Variants in COLEC12 observed in about 807,000 individuals in gnomAD.
COLEC12 encodes collectin subfamily member 12.
COLEC12 carries 33 observed loss-of-function variants against 71.1 expected under a neutral mutation model. That is an observed-to-expected ratio of 0.46 (90% CI 0.35 to 0.62). COLEC12 has a LOEUF of 0.62. Ranked by LOEUF, COLEC12 falls within the 20% of genes least tolerant of loss-of-function variation. The probability of loss-of-function intolerance (pLI) is 0.00; values close to 1 mark genes in which losing one functional copy is unlikely to be tolerated. For missense variants in COLEC12, 765 were observed against 916.1 expected (o/e 0.84, Z 2.13); for synonymous variants, 350 against 353.0 (o/e 0.99, Z 0.10).
At chr18:361,774 G>A (rs111828901) in intron 2 of COLEC12, among the ~76,000 whole-genome samples, 4 of 152,174 alleles carry the variant, frequency 2.6e-5, no homozygotes, top group African/African-American at 4.8e-5. Flanking sequence ...ACAGAAGGGC[G>A]ACAGACACGG....
chr18:423,837 A>AGGTGTAAG (rs1378398113), intron 2 of COLEC12: 1 of 151,848 alleles, frequency 6.6e-6, no homozygotes, highest in Non-Finnish European at 1.5e-5. Context: ...GGTTCAGAGG[A>AGGTGTAAG]GGTGTAAGAA....
In COLEC12 at chr18:347,236, G is replaced by A. The variant is rs201306483; in HGVS notation, c.386C>T (p.Thr129Ile). Reference protein sequence around the residue: ...RQQLREITEKTSKNKDTLEKL... With the variant: ...RQQLREITEKISKNKDTLEKL... The stretch of plus-strand genomic sequence containing the variant: ...CTCCAGCGTATCCTTGTTCTTGCTG[G>A]TTTTTTCTGTAATCTCACGAAGTTG... Residue 129 changes from threonine to isoleucine, a missense_variant, in exon 5 of 10, where the codon ACC (threonine) becomes ATC (isoleucine). By Grantham distance (89) the Thr-to-Ile change is moderately conservative (BLOSUM62 -1). Coordinates refer to ENST00000400256, the MANE Select transcript of COLEC12 (RefSeq NM_130386.3). The A allele has an allele frequency of 1.9e-6, 3 of 1,614,122 alleles. No homozygotes were observed. The South Asian group carries it at 3.3e-5, about 18-fold the overall frequency.
chr18:477,667 T>C (rs1434692001), intron 2 of COLEC12, among the ~76,000 whole-genome samples: 2 of 152,222 alleles, frequency 1.3e-5, no homozygotes, highest in East Asian at 1.9e-4. Flanking sequence ...TGTGTTTTTA[T>C]AGTGTTGTAA....
chr18:370,387 C>G (rs1438439958), intron 2 of COLEC12, among the ~76,000 whole-genome samples: 3 of 152,114 alleles, frequency 2.0e-5, no homozygotes, highest in Non-Finnish European at 4.4e-5. Flanking sequence ...CAGTTGTAAA[C>G]TGGTTAAACG....
intron 2 of COLEC12, among the ~76,000 whole-genome samples, chr18:476,963 T>C (rs1194346282): frequency 1.3e-5 from 2 of 152,194 alleles, no homozygotes; most frequent in Non-Finnish European, 2.9e-5. Context: ...TCATTGACGC[T>C]TTTGTCAGAG....
chr18:321,109 C>T (rs530353054), intron 9 of COLEC12, among the ~76,000 whole-genome samples: 1 of 152,202 alleles, frequency 6.6e-6, no homozygotes, highest in Non-Finnish European at 1.5e-5. Context: ...GGCTGGAGTG[C>T]AATGGTGCGA....
At chr18:496,990 C>T (rs1213845150) in intron 1 of COLEC12, among the ~76,000 whole-genome samples, 1 of 152,118 alleles carries the variant, frequency 6.6e-6, no homozygotes, top group Non-Finnish European at 1.5e-5. Context: ...TGTAGTACAG[C>T]TAATTGAAAA....
intron 2 of COLEC12, among the ~76,000 whole-genome samples, chr18:389,174 A>T (rs1044383770): frequency 3.3e-4 from 49 of 149,444 alleles, no homozygotes; most frequent in Non-Finnish European, 7.1e-4. Flanking sequence ...AGTAGGGGAT[A>T]TAAAAAAATA....
rs984931211 is a variant in COLEC12, at chr18:346,336, G to A, written c.1286C>T (p.Ser429Phe). ...ATTCTTGATGAGCTGACCATGCTTG[G>A]AGTCTACTAGCTTCATTTCTTCCAT... is the stretch of plus-strand genomic sequence containing the variant. ...VIMEEMKLVD[S>F]KHGQLIKNFT... The change falls in exon 5 of 10, where the codon TCC becomes TTC. Residue 429 changes from serine to phenylalanine, a missense_variant. Coordinates refer to ENST00000400256, the MANE Select transcript of COLEC12 (RefSeq NM_130386.3). This position sits in a 1 kb window ranked among gnomAD's most constrained non-coding sequence, Gnocchi z 4.0. 1.9e-6 allele frequency: 3 copies of A among 1,613,676 alleles called. No homozygotes were observed. In the African/African-American group the frequency reaches 4.0e-5, roughly 22 times the overall value.
At position 360,178 on chromosome 18, in the gene COLEC12, C is replaced by CTTTT. The variant is rs778619867; in HGVS notation, c.59-2660_59-2657dup. Reference sequence around the variant, plus strand: ...AGAAGGGACCTGAGAATTTGGATTTCTTTTTTTTTTTTTTTCTTTTTTGAG... The same window carrying CTTTT: ...AGAAGGGACCTGAGAATTTGGATTTCTTTTTTTTTTTTTTTTTTTCTTTTTTGAG... On this transcript the variant is annotated intron_variant, in intron 2 of 9. Transcript: ENST00000400256. Among the ~76,000 whole-genome samples the CTTTT allele has an allele frequency of 5.3e-3, 750 of 141,634 alleles. 7 individuals are homozygous for CTTTT. Among genetic ancestry groups the CTTTT allele is most frequent in the African/African-American group, 0.019 (714 of 38,558 alleles). The allele number at this position is 141,634 out of a possible 152,430, so 92.9% of individuals were successfully genotyped here. A position where few individuals can be genotyped will look rare whatever the true frequency, so the allele number is the denominator to read the frequency against.
At chr18:460,268 C>T (rs1916955357) in intron 2 of COLEC12, among the ~76,000 whole-genome samples, 1 of 151,626 alleles carries the variant, frequency 6.6e-6, no homozygotes, top group Admixed American at 6.6e-5. Context: ...CAAGAAAGAC[C>T]AGAATTCTTC....
intron 1 of COLEC12, among the ~76,000 whole-genome samples, chr18:496,872 T>C (rs1308428075): frequency 6.6e-6 from 1 of 152,130 alleles, no homozygotes; most frequent in Non-Finnish European, 1.5e-5. Flanking sequence ...TATCCCCAAC[T>C]TTAAGAACCA....
chr18:387,062 T>C (rs986024595), intron 2 of COLEC12, among the ~76,000 whole-genome samples: 1 of 152,206 alleles, frequency 6.6e-6, no homozygotes, highest in Non-Finnish European at 1.5e-5. Flanking sequence ...TATAGATCCC[T>C]GGATGTCTCC....
intron 2 of COLEC12, among the ~76,000 whole-genome samples, chr18:422,880 C>T (rs11662709): frequency 0.68 from 103,711 of 152,056 alleles, 36,281 homozygotes; most frequent in East Asian, 1. Context: ...TTTATATAAA[C>T]TTCTTAGTTT....
chr18:385,427 C>A (rs184443287), intron 2 of COLEC12, among the ~76,000 whole-genome samples: 10 of 149,778 alleles, frequency 6.7e-5, no homozygotes, highest in Non-Finnish European at 1.5e-4. Flanking sequence ...CGGGCTCAAG[C>A]GATTCTCCTG....
At position 399,079 on chromosome 18, in the gene COLEC12, G is replaced by A. The variant is rs1020193287; in HGVS notation, c.59-41557C>T. 6.6e-6 allele frequency among the ~76,000 whole-genome samples: 1 copy of A among 152,186 alleles called. No individual in the cohort carries two copies. Among genetic ancestry groups the A allele is most frequent in the African/African-American group, 2.4e-5 (1 of 41,438 alleles). ...GTCCAAATAGTGCAAAGCATTTTGG[G>A]ACCACCCATGTACACTGGGCTACTC... On this transcript the variant is annotated intron_variant, in intron 2 of 9. Coordinates refer to ENST00000400256, the MANE Select transcript of COLEC12 (RefSeq NM_130386.3). The surrounding 1 kb of genome is among the most constrained non-coding windows in gnomAD (Gnocchi z 4.0).
intron 2 of COLEC12, among the ~76,000 whole-genome samples, chr18:421,278 A>C (rs2621180): frequency 7.9e-5 from 12 of 151,928 alleles, no homozygotes; most frequent in Non-Finnish European, 1.3e-4. Flanking sequence ...ATGGCAAAAA[A>C]TGTATAAAGG....
At chr18:320,872 A>G (rs1913686448) in intron 9 of COLEC12, among the ~76,000 whole-genome samples, 1 of 152,184 alleles carries the variant, frequency 6.6e-6, no homozygotes, top group African/African-American at 2.4e-5. Context: ...TTTGAAGTCA[A>G]GAAAATCTCC....
chr18:472,549 T>TGGTA (rs1265907243), intron 2 of COLEC12, among the ~76,000 whole-genome samples: 9 of 148,968 alleles, frequency 6.0e-5, no homozygotes, highest in Non-Finnish European at 1.0e-4. Flanking sequence ...TGGCCTAGAG[T>TGGTA]GGTAGCATGT....
Sources: allele counts gnomAD v4.1 joint callset (sites outside exome capture counted in the v4.1 genomes callset), GRCh38; gene constraint gnomAD v4.1.1; non-coding constraint Gnocchi (gnomAD v3.1); transcripts MANE v1.5; gene names NCBI Gene and HGNC (gene_info 2026-07-23, HGNC 2026-07-21).